The following HIP1 variants were observed in gnomAD, a reference collection of about 807,000 sequenced individuals.
HIP1 encodes huntingtin-interacting protein 1.
Under a neutral mutation model 147.6 loss-of-function variants are expected in HIP1, and 65 were observed. That is an observed-to-expected ratio of 0.44 (90% CI 0.36 to 0.54). The LOEUF is 0.54. HIP1 is among the 20% of genes least tolerant of loss of function. The pLI, the probability that HIP1 is intolerant of heterozygous loss-of-function variation, is 0.00. For missense variants in HIP1, 1,061 were observed against 1,299.6 expected (o/e 0.82, Z 2.82); for synonymous variants, 479 against 504.0 (o/e 0.95, Z 0.67).
At chr7:75,613,678 C>T (rs371846648) in intron 1 of HIP1, among the ~76,000 whole-genome samples, 82 of 152,322 alleles carry the variant, frequency 5.4e-4, no homozygotes, top group African/African-American at 1.7e-3. Flanking sequence ...TCTCCCACAC[C>T]GTGCTGCCTT....
At position 75,573,824 on chromosome 7, in the gene HIP1, C is replaced by G. The variant is rs1795736392; in HGVS notation, c.682G>C (p.Val228Leu). ...GQCRLAPLIQ[V>L]ILDCSHLYDY... Reference sequence around the variant, plus strand: ...TAAAGGTGGCTGCAGTCCAAGATGACCTGGATCAGCGGGGCGAGGCGGCAC... The same window carrying G: ...TAAAGGTGGCTGCAGTCCAAGATGAGCTGGATCAGCGGGGCGAGGCGGCAC... The change falls in exon 8 of 31, where the codon GTC becomes CTC. Residue 228 changes from valine (V) to leucine (L), a missense_variant. By Grantham distance (32) the Val-to-Leu change is conservative. Transcript: ENST00000336926. 1 of 1,614,128 alleles carries G rather than the reference C, an allele frequency of 6.2e-7. No homozygotes were observed. Among genetic ancestry groups the G allele is most frequent in the South Asian group, 1.1e-5 (1 of 91,080 alleles).
At chr7:75,562,910 A>G (rs782704748) in intron 11 of HIP1, 25 bp downstream of exon 11, 1 of 1,613,282 alleles carries the variant, frequency 6.2e-7, no homozygotes, top group South Asian at 1.1e-5. Flanking sequence ...GGAAAGGCCA[A>G]GTTTCTCTCC....
At chr7:75,565,236 C>T (rs191430881) in intron 9 of HIP1, among the ~76,000 whole-genome samples, 61 of 152,144 alleles carry the variant, frequency 4.0e-4, no homozygotes, top group Non-Finnish European at 8.1e-4. Flanking sequence ...AGGTCTCAGA[C>T]AGCAGCCGTG....
At chr7:75,679,347 G>A (rs1799989606) in intron 1 of HIP1, among the ~76,000 whole-genome samples, 6 of 152,276 alleles carry the variant, frequency 3.9e-5, no homozygotes, top group Middle Eastern at 3.4e-3. Context: ...GGGACTACAG[G>A]CATGCACCAG....
At chr7:75,719,347 ACAAAAAATT>A (rs1466636440) in intron 1 of HIP1, among the ~76,000 whole-genome samples, 10 of 152,080 alleles carry the variant, frequency 6.6e-5, no homozygotes, top group African/African-American at 2.4e-4. Context: ...TACTAAAAAT[ACAAAAAATT>A]AGCCAGGCAA....
At chr7:75,544,049 G>A (rs1264234301) in intron 27 of HIP1, among the ~76,000 whole-genome samples, 5 of 152,070 alleles carry the variant, frequency 3.3e-5, no homozygotes, top group African/African-American at 1.2e-4. Context: ...GCACGTGTCT[G>A]TAGTCCCAGC....
At chr7:75,623,197 CA>C (rs36071638) in intron 1 of HIP1, among the ~76,000 whole-genome samples, 35 of 51,628 alleles carry the variant, frequency 6.8e-4, no homozygotes, top group Admixed American at 8.7e-4. Context: ...GACTCCATCT[CA>C]AAAAAAAAAA....
chr7:75,714,219 T>C (rs1801248230), intron 1 of HIP1, among the ~76,000 whole-genome samples: 1 of 151,370 alleles, frequency 6.6e-6, no homozygotes, highest in Non-Finnish European at 1.5e-5. Context: ...TTTGTATTTT[T>C]AGTGGAGATG....
At chr7:75,624,451 A>G (rs190450223) in intron 1 of HIP1, among the ~76,000 whole-genome samples, 158 of 152,242 alleles carry the variant, frequency 1.0e-3, no homozygotes, top group Non-Finnish European at 1.8e-3. Context: ...AAAAAGAGCT[A>G]TGAGATTCAG....
chr7:75,730,285 CAGAG>C (rs1350243955), intron 1 of HIP1, among the ~76,000 whole-genome samples: 1 of 151,852 alleles, frequency 6.6e-6, no homozygotes, highest in Non-Finnish European at 1.5e-5. Context: ...GAAGGACAAA[CAGAG>C]AGCATAGCTA....
rs140898963 is a variant in HIP1, at chr7:75,547,560, G to A, written c.2465+195C>T. On this transcript the variant is annotated intron_variant, in intron 24 of 30. Transcript: ENST00000336926. ...TGGGATTACAGGCGGGAGCTACCGC[G>A]CGGGTTTCTTTTCTATAGTGAAACA... Among the ~76,000 whole-genome samples, 219 of 152,196 alleles carry A rather than the reference G, an allele frequency of 1.4e-3. 3 individuals are homozygous for A. The highest frequency in any genetic ancestry group is 4.2e-3 in the African/African-American group (175 of 41,538).
At chr7:75,729,778 C>T (rs1801774320) in intron 1 of HIP1, among the ~76,000 whole-genome samples, 1 of 142,918 alleles carries the variant, frequency 7.0e-6, no homozygotes, top group Non-Finnish European at 1.5e-5. Flanking sequence ...AAGAACGATA[C>T]TCTGTCTCAA....
At chr7:75,609,006 C>T (rs1797329284) in intron 1 of HIP1, among the ~76,000 whole-genome samples, 2 of 152,176 alleles carry the variant, frequency 1.3e-5, no homozygotes, top group African/African-American at 4.8e-5. Flanking sequence ...AAGTGGGGAA[C>T]ACCGTGGGAG....
At chr7:75,581,648 G>A (rs1796053796) in intron 6 of HIP1, among the ~76,000 whole-genome samples, 3 of 152,140 alleles carry the variant, frequency 2.0e-5, no homozygotes, top group South Asian at 2.1e-4. Flanking sequence ...GTGTGATGGC[G>A]CATGCCTGTA....
At chr7:75,540,178 AGCACTT>A (rs1554489574) in intron 29 of HIP1, among the ~76,000 whole-genome samples, 1 of 152,176 alleles carries the variant, frequency 6.6e-6, no homozygotes, top group East Asian at 1.9e-4. Context: ...CCGTAATCCC[AGCACTT>A]TGGGAGGCCA....
At chr7:75,668,385 T>C (rs1346295540) in intron 1 of HIP1, among the ~76,000 whole-genome samples, 1 of 152,136 alleles carries the variant, frequency 6.6e-6, no homozygotes, top group Non-Finnish European at 1.5e-5. Flanking sequence ...AGTGCAATGG[T>C]GCCATCTCAG....
At chr7:75,564,358 G>C (rs1047728475) in intron 9 of HIP1, among the ~76,000 whole-genome samples, 2 of 149,758 alleles carry the variant, frequency 1.3e-5, no homozygotes, top group Non-Finnish European at 3.0e-5. Flanking sequence ...GCAATGGCGC[G>C]ATCTCGGCTC....
At chr7:75,696,525 C>T (rs1800639937) in intron 1 of HIP1, among the ~76,000 whole-genome samples, 1 of 110,266 alleles carries the variant, frequency 9.1e-6, no homozygotes, top group Admixed American at 9.2e-5. Flanking sequence ...CCCTCCCCTC[C>T]CTTCCCCTCC....
rs587694312 is a variant in HIP1, at chr7:75,610,752, C to T, written c.121-11505G>A. Among the ~76,000 whole-genome samples, 566 of 151,440 alleles carry T rather than the reference C, an allele frequency of 3.7e-3. 7 individuals carry two copies. Among genetic ancestry groups the T allele is most frequent in the African/African-American group, 0.013 (543 of 41,340 alleles). On this transcript the variant is annotated intron_variant, in intron 1 of 30. Coordinates refer to ENST00000336926, the MANE Select transcript of HIP1 (RefSeq NM_005338.7). ...GCATGGTGGCTCATGCCTGTAATCC[C>T]AGCACTTTGAGAGGCCGAGGCAGGA...
Sources: gnomAD v4.1 joint callset for allele counts (sites outside exome capture counted in the v4.1 genomes callset) on GRCh38, gnomAD v4.1.1 for gene constraint, MANE v1.5 for transcripts, NCBI Gene and HGNC (gene_info 2026-07-23, HGNC 2026-07-21) for gene names.